Variants in SSBP2 observed in about 807,000 individuals in gnomAD.
The protein encoded by SSBP2 is single-stranded DNA-binding protein 2.
Under a neutral mutation model 61.8 loss-of-function variants are expected in SSBP2, and 17 were observed. The observed-to-expected ratio is 0.28, with a 90% CI of 0.19 to 0.41. The LOEUF (loss-of-function observed/expected upper bound fraction) is 0.41, where lower values mean the gene tolerates loss of function less well. Ranked by LOEUF, SSBP2 falls within the 10% of genes least tolerant of loss-of-function variation. The pLI, the probability that SSBP2 is intolerant of heterozygous loss-of-function variation, is 1.00. For synonymous variants in SSBP2, 139 were observed against 141.3 expected (o/e 0.98, Z 0.12); for missense variants, 310 against 458.7 (o/e 0.68, Z 2.96).
intron 4 of SSBP2, among the ~76,000 whole-genome samples, chr5:81,593,996 A>C (rs1346165358): frequency 6.6e-6 from 1 of 152,208 alleles, no homozygotes. Flanking sequence ...TAACAATATT[A>C]ACTTTAAATG....
chr5:81,704,209 C>T (rs773576478), intron 1 of SSBP2, among the ~76,000 whole-genome samples: 4 of 152,180 alleles, frequency 2.6e-5, no homozygotes, highest in Non-Finnish European at 5.9e-5. Flanking sequence ...GACATGACTA[C>T]GATTGGTGAG....
chr5:81,659,128 C>G (rs1321724379), intron 1 of SSBP2, among the ~76,000 whole-genome samples: 2 of 152,150 alleles, frequency 1.3e-5, no homozygotes, highest in African/African-American at 4.8e-5. Flanking sequence ...CCCTCTCTCA[C>G]CACTCCTATC....
rs148069242 is a variant in SSBP2, at chr5:81,561,997, C to A, written c.283-48280G>T. 1.1e-4 allele frequency among the ~76,000 whole-genome samples: 17 copies of A among 152,142 alleles called. No individual in the cohort carries two copies. In the East Asian group the frequency reaches 3.3e-3, roughly 29 times the overall value. Reference sequence around the variant, plus strand: ...TTGGCTCACTGCAACCTCCATCTCCCGAGTTCAAGCGATTCTCCTGTCTCA... The same window carrying A: ...TTGGCTCACTGCAACCTCCATCTCCAGAGTTCAAGCGATTCTCCTGTCTCA... On this transcript the variant is annotated intron_variant, in intron 4 of 16. Coordinates refer to ENST00000320672, the MANE Select transcript of SSBP2 (RefSeq NM_012446.5).
intron 3 of SSBP2, among the ~76,000 whole-genome samples, chr5:81,624,190 AAATT>A (rs1207902973): frequency 8.5e-5 from 13 of 152,210 alleles, no homozygotes; most frequent in African/African-American, 2.9e-4. Flanking sequence ...TTACATGATA[AAATT>A]AATTAAAAAT....
chr5:81,601,875 A>G (rs1428336937), intron 4 of SSBP2, among the ~76,000 whole-genome samples: 2 of 152,180 alleles, frequency 1.3e-5, no homozygotes, highest in East Asian at 3.9e-4. Context: ...GACACAAATC[A>G]TCTGCCTCCC....
At chr5:81,624,650 A>AT (rs1746953870) in intron 3 of SSBP2, among the ~76,000 whole-genome samples, 4 of 152,136 alleles carry the variant, frequency 2.6e-5, no homozygotes, top group Admixed American at 2.6e-4. Flanking sequence ...ACAATTGGCC[A>AT]TATCATGACA....
At chr5:81,445,138 T>TTTATATATA (rs1554065521) in intron 12 of SSBP2, among the ~76,000 whole-genome samples, 2 of 33,896 alleles carry the variant, frequency 5.9e-5, no homozygotes, top group South Asian at 2.7e-3. Context: ...AAAAAAAATT[T>TTTATATATA]TATATATATA....
At chr5:81,604,996 A>T (rs1473426900) in intron 4 of SSBP2, among the ~76,000 whole-genome samples, 22 of 152,172 alleles carry the variant, frequency 1.4e-4, no homozygotes, top group Admixed American at 1.4e-3. Context: ...AAAGATGTCA[A>T]ATTTCACAAA....
intron 2 of SSBP2, among the ~76,000 whole-genome samples, chr5:81,636,890 TGTG>T (rs1748290595): frequency 6.6e-6 from 1 of 152,226 alleles, no homozygotes; most frequent in African/African-American, 2.4e-5. Flanking sequence ...TCCATCTTTC[TGTG>T]GTCTTTCAGA....
chr5:81,751,683 T>TC (rs1757793912), upstream of SSBP2: 1 of 154,386 alleles, frequency 6.5e-6, no homozygotes, highest in African/African-American at 2.4e-5. Flanking sequence ...ATTTTTGCGG[T>TC]CCTCAGCCCT....
intron 1 of SSBP2, among the ~76,000 whole-genome samples, chr5:81,741,854 T>G (rs890738208): frequency 1.3e-5 from 2 of 152,248 alleles, no homozygotes; most frequent in South Asian, 4.1e-4. Context: ...TATTTTTTGT[T>G]TAATGAAAGT....
intron 4 of SSBP2, among the ~76,000 whole-genome samples, chr5:81,536,840 T>C (rs1389464294): frequency 6.6e-6 from 1 of 152,016 alleles, no homozygotes; most frequent in Non-Finnish European, 1.5e-5. Context: ...GCTAACATGG[T>C]GAAACACCAT....
rs116411792 is a variant in SSBP2 at position 81,707,949 on chromosome 5, A to C, written c.62+43032T>G. Reference sequence around the variant, plus strand: ...CACGTTGCTTTAAGAAAAAGAGCATAAAGTACAGAAAAGATATAAGTGATC... The same window carrying C: ...CACGTTGCTTTAAGAAAAAGAGCATCAAGTACAGAAAAGATATAAGTGATC... On this transcript the variant is annotated intron_variant, in intron 1 of 16. Transcript: ENST00000320672. 4.6e-3 allele frequency among the ~76,000 whole-genome samples: 702 copies of C among 152,314 alleles called. 4 individuals are homozygous for C. The highest frequency in any genetic ancestry group is 7.6e-3 in the Non-Finnish European group (516 of 68,008).
At position 81,440,949 on chromosome 5, in the gene SSBP2, T is replaced by C. The variant is rs565646822; in HGVS notation, c.850-313A>G. On this transcript the variant is annotated intron_variant, in intron 13 of 16. Transcript: ENST00000320672. ...AAATTAGAAGATAAGCATTTTCCTC[T>C]ATGATACTGACAAATTTTCTATTGA... Among the ~76,000 whole-genome samples, 113 of 152,364 alleles carry C rather than the reference T, an allele frequency of 7.4e-4. 1 individual carries two copies. Among genetic ancestry groups the C allele is most frequent in the African/African-American group, 2.6e-3 (110 of 41,582 alleles).
chr5:81,730,572 A>G (rs1756196847), intron 1 of SSBP2, among the ~76,000 whole-genome samples: 1 of 152,202 alleles, frequency 6.6e-6, no homozygotes, highest in African/African-American at 2.4e-5. Flanking sequence ...AAAAATCTAC[A>G]GTTTTACTTG....
chr5:81,459,695 T>C (rs1466691947), intron 10 of SSBP2, among the ~76,000 whole-genome samples: 2 of 152,202 alleles, frequency 1.3e-5, no homozygotes, highest in Non-Finnish European at 2.9e-5. Flanking sequence ...AAATAGGAAG[T>C]TAAAATAAAT....
chr5:81,464,029 A>C (rs772662435), intron 9 of SSBP2, among the ~76,000 whole-genome samples: 1 of 152,046 alleles, frequency 6.6e-6, no homozygotes. Context: ...TTGACCTCCC[A>C]AAGTGCTGGG....
chr5:81,588,569 A>G (rs1343351524), intron 4 of SSBP2, among the ~76,000 whole-genome samples: 3 of 151,870 alleles, frequency 2.0e-5, no homozygotes, highest in Non-Finnish European at 2.9e-5. Flanking sequence ...CTATACAACC[A>G]GGTTGGAAAC....
chr5:81,432,532 G>A (rs1762357391), intron 15 of SSBP2, among the ~76,000 whole-genome samples: 1 of 152,138 alleles, frequency 6.6e-6, no homozygotes, highest in Non-Finnish European at 1.5e-5. Context: ...AGATCACGAT[G>A]TCAGGAGTTT....
Sources: gnomAD v4.1 joint callset for allele counts (sites outside exome capture counted in the v4.1 genomes callset) on GRCh38, gnomAD v4.1.1 for gene constraint, MANE v1.5 for transcripts, NCBI Gene and HGNC (gene_info 2026-07-23, HGNC 2026-07-21) for gene names.